Variants in TRERF1 observed in about 807,000 individuals in gnomAD.
TRERF1 encodes transcriptional-regulating factor 1.
A neutral mutation model predicts 122.9 loss-of-function variants in TRERF1; 27 were observed. The observed-to-expected ratio is 0.22, with a 90% confidence interval of 0.16 to 0.30. TRERF1 has a LOEUF of 0.30. Ranked by LOEUF, TRERF1 falls within the 10% of genes least tolerant of loss-of-function variation. The pLI, the probability that TRERF1 is intolerant of heterozygous loss-of-function variation, is 1.00. For synonymous variants in TRERF1, 636 were observed against 641.7 expected, an observed-to-expected ratio of 0.99 and a Z score of 0.13; for missense variants, 1,248 against 1,560.3, an observed-to-expected ratio of 0.80 and a Z score of 3.37.
At chr6:42,343,296 G>T (rs200904245) in intron 3 of TRERF1, among the ~76,000 whole-genome samples, 101 of 152,308 alleles carry the variant, frequency 6.6e-4, no homozygotes, top group African/African-American at 2.4e-3. Flanking sequence ...CTGATAGCAT[G>T]TAGCCACAAG....
At chr6:42,248,093 G>C (rs1268827030) in intron 13 of TRERF1, among the ~76,000 whole-genome samples, 1 of 152,154 alleles carries the variant, frequency 6.6e-6, no homozygotes, top group Non-Finnish European at 1.5e-5. Context: ...CAAAATAAGT[G>C]AATCAGGCAA....
At chr6:42,297,570 A>C (rs535275977) in intron 4 of TRERF1, among the ~76,000 whole-genome samples, 5 of 152,336 alleles carry the variant, frequency 3.3e-5, no homozygotes, top group Non-Finnish European at 5.9e-5. Flanking sequence ...AGAAAACTGG[A>C]CCTTGCAAGG....
intron 2 of TRERF1, among the ~76,000 whole-genome samples, chr6:42,366,492 G>A (rs923421065): frequency 3.9e-5 from 6 of 152,156 alleles, no homozygotes; most frequent in East Asian, 1.9e-4. Context: ...TAACGGGGAG[G>A]AGGATGGCTG....
chr6:42,417,048 C>T (rs1218791473), intron 2 of TRERF1, among the ~76,000 whole-genome samples: 1 of 152,160 alleles, frequency 6.6e-6, no homozygotes, highest in Non-Finnish European at 1.5e-5. Context: ...TTCCTAGCTA[C>T]TGCACCCCTC....
At chr6:42,295,746 T>C (rs1582877469) in intron 4 of TRERF1, among the ~76,000 whole-genome samples, 1 of 152,192 alleles carries the variant, frequency 6.6e-6, no homozygotes, top group Admixed American at 6.5e-5. Context: ...TTGTGATGAA[T>C]AGACTTTAAT....
intron 2 of TRERF1, among the ~76,000 whole-genome samples, chr6:42,413,286 T>A (rs1221576044): frequency 6.6e-6 from 1 of 152,192 alleles, no homozygotes; most frequent in Non-Finnish European, 1.5e-5. Context: ...TCACTTAATA[T>A]CACTTAATAT....
intron 2 of TRERF1, among the ~76,000 whole-genome samples, chr6:42,372,637 C>A (rs1773971059): frequency 6.6e-6 from 1 of 152,212 alleles, no homozygotes; most frequent in African/African-American, 2.4e-5. Context: ...GATGCGCACA[C>A]TCAAAACAGC....
chr6:42,412,902 G>A (rs765247682), intron 2 of TRERF1, among the ~76,000 whole-genome samples: 16 of 152,190 alleles, frequency 1.1e-4, no homozygotes, highest in Non-Finnish European at 4.4e-5. Context: ...GTCTGAGTCA[G>A]TGAACTATGG....
At chr6:42,329,718 C>T (rs1372999111) in intron 3 of TRERF1, among the ~76,000 whole-genome samples, 2 of 152,088 alleles carry the variant, frequency 1.3e-5, no homozygotes, top group African/African-American at 2.4e-5. Context: ...TGGCTGGGCA[C>T]GGTGGCTCAC....
At chr6:42,266,768 G>A (rs1043042448) in intron 5 of TRERF1, among the ~76,000 whole-genome samples, 6 of 152,134 alleles carry the variant, frequency 3.9e-5, no homozygotes, top group African/African-American at 1.4e-4. Flanking sequence ...AAATATTTTT[G>A]GGAACAAATC....
At chr6:42,433,462 C>T (rs1784792988) in intron 2 of TRERF1, among the ~76,000 whole-genome samples, 1 of 151,960 alleles carries the variant, frequency 6.6e-6, no homozygotes, top group South Asian at 2.1e-4. Flanking sequence ...TTAAGCAGAG[C>T]TTTGGTAGTT....
Position 42,232,856 on chromosome 6 carries a change from G to A in TRERF1, c.3103C>T (p.Arg1035Cys), listed in dbSNP as rs748159320. ...ACCTGGTTGGTGCCCCCGTGGATGC[G>A]GGCATGGCCATTCAGTGCCTGTCGG... The change falls in exon 17 of 18, where the codon CGC becomes TGC. Residue 1035 changes from arginine to cysteine, a missense_variant. Arg to Cys is a radical substitution (Grantham distance 180). Around this residue, in one of 5 missense-constraint regions of TRERF1, gnomAD observed 159 missense variants for 221.7 expected, o/e 0.72. Coordinates refer to ENST00000372922, the Ensembl canonical transcript of TRERF1. This position sits in a 1 kb window ranked among gnomAD's most constrained non-coding sequence, Gnocchi z 4.5. The A allele has an allele frequency of 8.1e-6, 13 of 1,609,752 alleles. No homozygotes were observed. Among genetic ancestry groups the A allele is most frequent in the Non-Finnish European group, 1.1e-5 (13 of 1,178,050 alleles).
intron 4 of TRERF1, among the ~76,000 whole-genome samples, chr6:42,287,404 C>T (rs943961777): frequency 1.3e-5 from 2 of 152,022 alleles, no homozygotes; most frequent in African/African-American, 2.4e-5. Context: ...GCGAATCCCT[C>T]GACTGTTTAG....
intron 3 of TRERF1, among the ~76,000 whole-genome samples, chr6:42,358,009 G>A (rs994862676): frequency 7.9e-5 from 12 of 152,034 alleles, no homozygotes; most frequent in African/African-American, 2.7e-4. Flanking sequence ...AGCACTTACC[G>A]GCAACATTTC....
rs1222682019 is a variant in TRERF1, at chr6:42,286,820, C to T, written c.-259+13818G>A. ...TATACCCAAAGGACTATAAATCATG[C>T]TGCTATAAAGACACATGCACACGTA... On this transcript the variant is annotated intron_variant, in intron 4 of 17. Transcript: ENST00000372922. Among the ~76,000 whole-genome samples the T allele has an allele frequency of 1.1e-4, 14 of 127,356 alleles. 1 individual carries two copies. The highest frequency in any genetic ancestry group is 3.3e-5 in the Non-Finnish European group (2 of 60,476). The allele number at this position is 127,356 out of a possible 152,430, so 83.6% of individuals were successfully genotyped here. A position where few individuals can be genotyped will look rare whatever the true frequency, so the allele number is the denominator to read the frequency against.
At chr6:42,438,457 A>T (rs749474005) in intron 2 of TRERF1, among the ~76,000 whole-genome samples, 2 of 151,462 alleles carry the variant, frequency 1.3e-5, no homozygotes, top group Non-Finnish European at 2.9e-5. Flanking sequence ...TAAAAATACA[A>T]AAATTAGCCA....
At position 42,260,118 on chromosome 6, in the gene TRERF1, C is replaced by CTGAGAAGGGGACA. The variant is rs530393748; in HGVS notation, c.1885-408_1885-396dup. ...ACATCAGGAACAGATACCACATGTT[C>CTGAGAAGGGGACA]TGAGAAGGGGACAGAATAATCTCTT... On this transcript the variant is annotated intron_variant, in intron 8 of 17. Coordinates refer to ENST00000372922, the Ensembl canonical transcript of TRERF1. Among the ~76,000 whole-genome samples, 15 of 152,184 alleles carry CTGAGAAGGGGACA rather than the reference C, an allele frequency of 9.9e-5. No homozygotes were observed. The East Asian group carries it at 2.9e-3, about 29-fold the overall frequency.
intron 2 of TRERF1, among the ~76,000 whole-genome samples, chr6:42,449,455 C>T (rs1023529641): frequency 1.1e-4 from 16 of 145,168 alleles, no homozygotes; most frequent in Non-Finnish European, 2.2e-4. Flanking sequence ...AGAACATTCT[C>T]GGTAGAAGAG....
chr6:42,263,320 G>C lies in TRERF1; in HGVS notation c.1884C>G (p.Leu628=). The change falls in exon 8 of 18, where the codon CTC becomes CTG. Residue 628 remains leucine (L), a splice_region_variant and synonymous_variant. Transcript: ENST00000372922. This position sits in a 1 kb window ranked among gnomAD's most constrained non-coding sequence, Gnocchi z 5.6. ...GTGGGGGAGAGAGGGTCATCCTCAC[G>C]AGCACAGGCATCTCGTCGTCCGACA... is the stretch of plus-strand genomic sequence containing the variant. 4.3e-6 allele frequency: 7 copies of C among 1,610,714 alleles called. No individual in the cohort carries two copies. Among genetic ancestry groups the C allele is most frequent in the Non-Finnish European group, 5.9e-6 (7 of 1,178,390 alleles).
Sources: allele counts gnomAD v4.1 joint callset (sites outside exome capture counted in the v4.1 genomes callset), GRCh38; gene constraint gnomAD v4.1.1; regional missense constraint gnomAD v4.1.1; non-coding constraint Gnocchi (gnomAD v3.1); transcripts MANE v1.5; gene names NCBI Gene and HGNC (gene_info 2026-07-23, HGNC 2026-07-21).